MKNK1: variants seen among roughly 807,000 people sequenced by gnomAD.
The protein encoded by MKNK1 is MAPK interacting serine/threonine kinase 1, also known as MAP kinase-interacting serine/threonine-protein kinase 1.
MKNK1 carries 30 observed loss-of-function variants against 49.3 expected under a neutral mutation model. That is an observed-to-expected ratio of 0.61 (90% CI 0.46 to 0.83). MKNK1 has a LOEUF of 0.83. Ranked by LOEUF, MKNK1 falls within the 40% of genes least tolerant of loss-of-function variation. The pLI is 0.00. For missense variants in MKNK1, 423 were observed against 524.7 expected, an observed-to-expected ratio of 0.81 and a Z score of 1.89; for synonymous variants, 176 against 201.7, an observed-to-expected ratio of 0.87 and a Z score of 1.08.
intron 2 of MKNK1, among the ~76,000 whole-genome samples, chr1:46,584,316 T>C (rs954300802): frequency 6.6e-6 from 1 of 152,174 alleles, no homozygotes; most frequent in African/African-American, 2.4e-5. Context: ...TAATACTCTT[T>C]GCCTGCAGTT....
In MKNK1 at chr1:46,557,672, G is replaced by T. The variant is rs868472145; in HGVS notation, c.*903C>A. On this transcript the variant is annotated 3_prime_UTR_variant, in exon 13 of 13. Coordinates refer to ENST00000371945, the MANE Select transcript of MKNK1 (RefSeq NM_001135553.4). ...GCCCAGATCTGTGCCACCCACACAA[G>T]ACCTGGGGACACAGCAGCAGACACC... The T allele has an allele frequency of 6.6e-6, 1 of 152,542 alleles. No homozygotes were observed. Among genetic ancestry groups the T allele is most frequent in the African/African-American group, 2.4e-5 (1 of 41,450 alleles). 9.4% of individuals were successfully genotyped at this position (152,542 alleles called of 1,614,324 possible). A position where few individuals can be genotyped will look rare whatever the true frequency, so the allele number is the denominator to read the frequency against.
In MKNK1 at chr1:46,558,636, C is replaced by A; in HGVS notation, c.1178G>T (p.Arg393Leu). ...LSPPCKSRLA[R>L]RRALAQAGRG... Reference sequence around the variant, plus strand: ...GCCTGCCTGGGCCAGGGCCCGTCTCCGGGCCAGGCGTGACTTGCAGGGAGG... The same window carrying A: ...GCCTGCCTGGGCCAGGGCCCGTCTCAGGGCCAGGCGTGACTTGCAGGGAGG... The change falls in exon 13 of 13, where the codon CGG becomes CTG. Residue 393 changes from arginine to leucine, a missense_variant. Arg to Leu is a moderately radical substitution (Grantham distance 102). Coordinates refer to ENST00000371945, the MANE Select transcript of MKNK1 (RefSeq NM_001135553.4). The A allele has an allele frequency of 1.2e-6, 2 of 1,614,062 alleles. No homozygotes were observed. Among genetic ancestry groups the A allele is most frequent in the African/African-American group, 1.3e-5 (1 of 75,072 alleles).
At chr1:46,580,246 C>A (rs557083686) in intron 4 of MKNK1, among the ~76,000 whole-genome samples, 32 of 152,320 alleles carry the variant, frequency 2.1e-4, no homozygotes, top group Admixed American at 3.3e-4. Flanking sequence ...TTACTATGAG[C>A]CAGGCATTGT....
chr1:46,558,350 G>GTGAT lies in MKNK1; in HGVS notation c.*221_*224dup, dbSNP rs1416047154. 3.7e-6 allele frequency: 2 copies of GTGAT among 543,834 alleles called. No homozygotes were observed. The highest frequency in any genetic ancestry group is 3.8e-5 in the African/African-American group (2 of 52,492). 33.7% of individuals were successfully genotyped at this position (543,834 alleles called of 1,614,324 possible). On this transcript the variant is annotated 3_prime_UTR_variant, in exon 13 of 13. Transcript: ENST00000371945. ...TGCAGGCAATTATGCAAAGTGAGAA[G>GTGAT]TGATTGCTTTCCTTTTCAAAGACAA...
chr1:46,589,078 T>C lies in MKNK1; in HGVS notation c.-3+5035A>G, dbSNP rs1455768797. On this transcript the variant is annotated intron_variant, in intron 2 of 12. Coordinates refer to ENST00000371945, the MANE Select transcript of MKNK1 (RefSeq NM_001135553.4). The surrounding 1 kb of genome is among the most constrained non-coding windows in gnomAD (Gnocchi z 4.3). Reference sequence around the variant, plus strand: ...TGACTTACTCTTCAATAATGCTATATTTATTGGGCACCTACTGATCGTCTG... The same window carrying C: ...TGACTTACTCTTCAATAATGCTATACTTATTGGGCACCTACTGATCGTCTG... Among the ~76,000 whole-genome samples, 3 of 152,196 alleles carry C rather than the reference T, an allele frequency of 2.0e-5. No individual in the cohort carries two copies. The highest frequency in any genetic ancestry group is 7.2e-5 in the African/African-American group (3 of 41,446).
intron 1 of MKNK1, among the ~76,000 whole-genome samples, chr1:46,600,900 C>G (rs941584226): frequency 4.6e-5 from 7 of 152,106 alleles, no homozygotes; most frequent in African/African-American, 1.7e-4. Flanking sequence ...ATCTCCACTA[C>G]TGACTGATTC....
At chr1:46,570,543 G>A (rs1455519590) in intron 7 of MKNK1, among the ~76,000 whole-genome samples, 4 of 152,320 alleles carry the variant, frequency 2.6e-5, no homozygotes, top group African/African-American at 4.8e-5. Context: ...CTGGACATGC[G>A]CCACACTGGT....
intron 10 of MKNK1, among the ~76,000 whole-genome samples, 193 bp from the exon 11 acceptor site, chr1:46,561,835 C>T (rs945731058): frequency 6.6e-6 from 1 of 152,204 alleles, no homozygotes; most frequent in African/African-American, 2.4e-5. Flanking sequence ...TATAGAATGC[C>T]CTTGGCAGGC....
At chr1:46,565,331 C>T in intron 8 of MKNK1, 195 bp from the exon 9 acceptor site, 3 of 591,684 alleles carry the variant, frequency 5.1e-6, no homozygotes, top group Non-Finnish European at 9.1e-6. Context: ...CCTGAGCTCT[C>T]TTATTTCCCA....
intron 1 of MKNK1, 119 bp downstream of exon 1, chr1:46,604,066 C>G (rs1390254589): frequency 2.6e-5 from 4 of 152,266 alleles, no homozygotes; most frequent in African/African-American, 9.6e-5. Flanking sequence ...GCAGCTGAAT[C>G]GCGTCGTGAC....
At chr1:46,568,928 T>TAA in intron 7 of MKNK1, 1 of 154,700 alleles carries the variant, frequency 6.5e-6, no homozygotes, top group Non-Finnish European at 1.4e-5. Flanking sequence ...GTGGCCGATT[T>TAA]AAAAAAAAAA....
At chr1:46,585,300 A>T (rs1291544065) in intron 2 of MKNK1, among the ~76,000 whole-genome samples, 3 of 136,438 alleles carry the variant, frequency 2.2e-5, no homozygotes, top group East Asian at 2.1e-4. Context: ...AAAAAAAAAA[A>T]AAATCAGCAC....
intron 2 of MKNK1, chr1:46,586,080 C>T (rs991718482): frequency 2.1e-5 from 9 of 422,196 alleles, no homozygotes; most frequent in South Asian, 7.5e-5. Flanking sequence ...ACCAAGGGGT[C>T]GCTAGTTGCC....
At chr1:46,571,503 A>T in intron 7 of MKNK1, 1 of 429,010 alleles carries the variant, frequency 2.3e-6, no homozygotes, top group Non-Finnish European at 4.6e-6. Context: ...TGATGGCGCC[A>T]TAGCACTCCA....
In MKNK1 at chr1:46,572,096, C is replaced by T. The variant is rs976646967; in HGVS notation, c.424G>A (p.Val142Ile). 1.7e-5 allele frequency: 28 copies of T among 1,613,998 alleles called. No homozygotes were observed. The highest frequency in any genetic ancestry group is 2.7e-5 in the African/African-American group (2 of 74,924). Reference sequence around the variant, plus strand: ...TGCAGGAAGTCAAGGGCAGCAGCAACGTCCCGCACCACTCGGCTGGCTTCT... The same window carrying T: ...TGCAGGAAGTCAAGGGCAGCAGCAATGTCCCGCACCACTCGGCTGGCTTCT... ...EREASRVVRD[V>I]AAALDFLHTK... The change falls in exon 7 of 13, where the codon GTT becomes ATT. Residue 142 changes from valine to isoleucine, a missense_variant. Transcript: ENST00000371945.
At chr1:46,569,188 A>C (rs1225124752) in intron 7 of MKNK1, 1 of 152,354 alleles carries the variant, frequency 6.6e-6, no homozygotes, top group East Asian at 1.9e-4. Context: ...CTCCCTAAGC[A>C]TGGGGATTAC....
At chr1:46,568,806 A>C in intron 7 of MKNK1, 2 of 340,342 alleles carry the variant, frequency 5.9e-6, no homozygotes, top group Non-Finnish European at 1.1e-5. Context: ...AATGCAGAGC[A>C]GAGCAGAGAG....
At chr1:46,559,125 T>C (rs1667477783) in intron 12 of MKNK1, among the ~76,000 whole-genome samples, 1 of 152,186 alleles carries the variant, frequency 6.6e-6, no homozygotes, top group Non-Finnish European at 1.5e-5. Context: ...GAAACACACC[T>C]GTCCCTCCCT....
chr1:46,571,114 A>C lies in MKNK1; in HGVS notation c.457+949T>G, dbSNP rs1222376405. Among the ~76,000 whole-genome samples, 3 of 152,378 alleles carry C rather than the reference A, an allele frequency of 2.0e-5. No homozygotes were observed. The East Asian group carries it at 5.8e-4, about 29-fold the overall frequency. On this transcript the variant is annotated intron_variant, in intron 7 of 12. Coordinates refer to ENST00000371945, the MANE Select transcript of MKNK1 (RefSeq NM_001135553.4). ...TGGAAATGTAAAAACAATTTGTGGA[A>C]AGATTTAATTCACTACAAAAGTTCC...
Sources: gnomAD v4.1 joint callset for allele counts (sites outside exome capture counted in the v4.1 genomes callset) on GRCh38, gnomAD v4.1.1 for gene constraint, Gnocchi (gnomAD v3.1) non-coding constraint, MANE v1.5 for transcripts, NCBI Gene and HGNC (gene_info 2026-07-23, HGNC 2026-07-21) for gene names.